The following ATRNL1 variants were observed in gnomAD, a reference collection of about 807,000 sequenced individuals.
The protein encoded by ATRNL1 is attractin like 1.
In ATRNL1, 95 loss-of-function variants were observed where a neutral mutation model predicts 182.7. That is an observed-to-expected ratio of 0.52 (90% CI 0.44 to 0.62). The LOEUF is 0.62. Among genes scored for constraint, ATRNL1 ranks in the 20% least tolerant of loss-of-function variants. ATRNL1 has a pLI of 0.00. For missense variants in ATRNL1, 1,471 were observed against 1,679.5 expected (o/e 0.88, Z 2.17); for synonymous variants, 576 against 568.3 (o/e 1.01, Z -0.19).
At chr10:115,839,541 T>G (rs2134333696) in intron 27 of ATRNL1, among the ~76,000 whole-genome samples, 1 of 152,268 alleles carries the variant, frequency 6.6e-6, no homozygotes, top group Non-Finnish European at 1.5e-5. Flanking sequence ...TCTTTGCACC[T>G]CTGTGTGCAT....
intron 24 of ATRNL1, among the ~76,000 whole-genome samples, chr10:115,499,840 T>A (rs1849729917): frequency 6.6e-6 from 1 of 152,184 alleles, no homozygotes; most frequent in South Asian, 2.1e-4. Context: ...TCCCTGTAGC[T>A]TAGTGATTTG....
At chr10:115,435,247 C>T (rs1040790362) in intron 21 of ATRNL1, among the ~76,000 whole-genome samples, 7 of 152,038 alleles carry the variant, frequency 4.6e-5, no homozygotes, top group Non-Finnish European at 7.4e-5. Context: ...TCTTGATCTC[C>T]TGACCTCATG....
At chr10:115,641,609 C>T (rs1859252164) in intron 26 of ATRNL1, among the ~76,000 whole-genome samples, 1 of 152,140 alleles carries the variant, frequency 6.6e-6, no homozygotes, top group Admixed American at 6.6e-5. Context: ...TGTGATATTA[C>T]TACTCTACTA....
intron 5 of ATRNL1, among the ~76,000 whole-genome samples, chr10:115,138,491 AT>A (rs1845617440): frequency 1.3e-5 from 2 of 152,178 alleles, no homozygotes; most frequent in Admixed American, 1.3e-4. Context: ...CCAAACCTCA[AT>A]TTTTGACTTG....
At chr10:115,776,985 T>C (rs1949143631) in intron 27 of ATRNL1, among the ~76,000 whole-genome samples, 1 of 152,174 alleles carries the variant, frequency 6.6e-6, no homozygotes, top group Admixed American at 6.6e-5. Flanking sequence ...AAACATTAAT[T>C]GTAATACATA....
intron 9 of ATRNL1, among the ~76,000 whole-genome samples, chr10:115,224,604 GAAAC>G (rs1554898243): frequency 6.6e-6 from 1 of 150,708 alleles, no homozygotes; most frequent in Non-Finnish European, 1.5e-5. Flanking sequence ...CACAGACTTA[GAAAC>G]AAAGATTACT....
At chr10:115,596,094 G>A (rs960056202) in intron 26 of ATRNL1, among the ~76,000 whole-genome samples, 17 of 151,990 alleles carry the variant, frequency 1.1e-4, no homozygotes, top group South Asian at 6.2e-4. Context: ...GAAATGTGAC[G>A]CCCAAATTAT....
intron 28 of ATRNL1, among the ~76,000 whole-genome samples, chr10:115,917,597 T>C (rs1555117705): frequency 6.6e-6 from 1 of 152,194 alleles, no homozygotes; most frequent in African/African-American, 2.4e-5. Flanking sequence ...GTTTTTTGTT[T>C]GTGTTGTTTT....
intron 19 of ATRNL1, among the ~76,000 whole-genome samples, chr10:115,373,413 T>A (rs1857497416): frequency 6.6e-6 from 1 of 152,030 alleles, no homozygotes; most frequent in Admixed American, 6.6e-5. Context: ...ATAGAAGTGG[T>A]GAGTGTCGGA....
intron 22 of ATRNL1, among the ~76,000 whole-genome samples, chr10:115,464,095 A>C (rs1414636): frequency 6.6e-6 from 1 of 151,666 alleles, no homozygotes; most frequent in African/African-American, 2.4e-5. Context: ...ACTTTCTACT[A>C]TCTTGTCCAG....
At chr10:115,371,382 G>C (rs1857387623) in intron 19 of ATRNL1, among the ~76,000 whole-genome samples, 3 of 152,178 alleles carry the variant, frequency 2.0e-5, no homozygotes, top group Non-Finnish European at 4.4e-5. Flanking sequence ...ATGCTGGCCT[G>C]TGAAAGCAGC....
chr10:115,383,122 T>C (rs1186484385), intron 19 of ATRNL1, among the ~76,000 whole-genome samples: 1 of 151,630 alleles, frequency 6.6e-6, no homozygotes, highest in Non-Finnish European at 1.5e-5. Flanking sequence ...TTTTCTTTTT[T>C]TTTTTCTCTC....
intron 13 of ATRNL1, among the ~76,000 whole-genome samples, chr10:115,280,600 C>G (rs1413105423): frequency 6.6e-6 from 1 of 152,132 alleles, no homozygotes; most frequent in Non-Finnish European, 1.5e-5. Context: ...GGATCCAAGG[C>G]TCAGGCTCAA....
intron 18 of ATRNL1, among the ~76,000 whole-genome samples, chr10:115,327,914 A>G (rs1421991763): frequency 6.6e-6 from 1 of 151,636 alleles, no homozygotes; most frequent in Admixed American, 6.6e-5. Flanking sequence ...GAAGGGGAAC[A>G]TCACACTCTG....
chr10:115,110,892 C>G (rs1437184631), intron 1 of ATRNL1, among the ~76,000 whole-genome samples: 1 of 152,064 alleles, frequency 6.6e-6, no homozygotes, highest in Non-Finnish European at 1.5e-5. Context: ...TTTGGTCTGC[C>G]ATGAATGGTT....
rs189309919 is a variant in ATRNL1 at position 115,433,667 on chromosome 10, A to G, written c.3322+7365A>G. ...TTAGATTTTTATTTCAGAACTATTT[A>G]CTCCTTTAGCATAGTCCAAAATGAT... is the stretch of plus-strand genomic sequence containing the variant. On this transcript the variant is annotated intron_variant, in intron 21 of 28. Transcript: ENST00000355044. Among the ~76,000 whole-genome samples, 320 of 152,220 alleles carry G rather than the reference A, an allele frequency of 2.1e-3. 1 individual carries two copies. Among genetic ancestry groups the G allele is most frequent in the African/African-American group, 5.8e-3 (242 of 41,556 alleles).
chr10:115,208,520 C>T (rs1056863733), intron 8 of ATRNL1, among the ~76,000 whole-genome samples: 3 of 151,994 alleles, frequency 2.0e-5, no homozygotes, highest in African/African-American at 7.2e-5. Context: ...GAGTTTGCTC[C>T]TTAGTCTTGT....
rs185517563 is a variant in ATRNL1 at position 115,755,605 on chromosome 10, A to G, written c.3903+28250A>G. ...ACTGAGGATTTTTGCATCGATGTTC[A>G]TTATGGATATTGGCCTGAAATTTTC... is the stretch of plus-strand genomic sequence containing the variant. On this transcript the variant is annotated intron_variant, in intron 27 of 28. Transcript: ENST00000355044. Among the ~76,000 whole-genome samples, 453 of 152,300 alleles carry G rather than the reference A, an allele frequency of 3.0e-3. 2 individuals are homozygous for G. Among genetic ancestry groups the G allele is most frequent in the African/African-American group, 0.01 (425 of 41,564 alleles).
intron 20 of ATRNL1, among the ~76,000 whole-genome samples, chr10:115,416,204 A>G (rs1171007607): frequency 6.6e-6 from 1 of 152,052 alleles, no homozygotes; most frequent in African/African-American, 2.4e-5. Context: ...ACTTATTTAC[A>G]TCTACTTTTG....
Sources: allele counts gnomAD v4.1 joint callset (sites outside exome capture counted in the v4.1 genomes callset), GRCh38; gene constraint gnomAD v4.1.1; transcripts MANE v1.5; gene names NCBI Gene and HGNC (gene_info 2026-07-23, HGNC 2026-07-21).